COL22A1: variants seen among roughly 807,000 people sequenced by gnomAD.
The protein encoded by COL22A1 is collagen type XXII alpha 1 chain.
A neutral mutation model predicts 248.9 loss-of-function variants in COL22A1; 221 were observed. That is an observed-to-expected ratio of 0.89 (90% CI 0.80 to 0.99). COL22A1 has a LOEUF of 0.99. COL22A1 is among the 50% of genes least tolerant of loss of function. The pLI is 0.00. For synonymous variants in COL22A1, 891 were observed against 793.4 expected, an observed-to-expected ratio of 1.12 and a Z score of -2.07; for missense variants, 2,240 against 2,179.0, an observed-to-expected ratio of 1.03 and a Z score of -0.56.
chr8:138,693,773 C>A (rs752622400), intron 34 of COL22A1, 74 bp from the exon 35 acceptor site: 15 of 1,451,368 alleles, frequency 1.0e-5, no homozygotes, highest in Non-Finnish European at 1.4e-5. Flanking sequence ...GCAGGGAGGT[C>A]TCGGGAATAC....
intron 26 of COL22A1, among the ~76,000 whole-genome samples, chr8:138,721,611 T>C (rs914135458): frequency 2.6e-5 from 4 of 152,246 alleles, no homozygotes; most frequent in Non-Finnish European, 5.9e-5. Flanking sequence ...AATTTTTTTT[T>C]TGAGACAGGT....
At chr8:138,596,218 G>A (rs890057529) in intron 62 of COL22A1, among the ~76,000 whole-genome samples, 10 of 152,266 alleles carry the variant, frequency 6.6e-5, no homozygotes, top group African/African-American at 2.2e-4. Flanking sequence ...CATCTGCTAC[G>A]CACAGGCACA....
At chr8:138,904,635 C>G (rs1814878309) in intron 1 of COL22A1, among the ~76,000 whole-genome samples, 1 of 152,096 alleles carries the variant, frequency 6.6e-6, no homozygotes, top group Non-Finnish European at 1.5e-5. Context: ...CACCAGTCCC[C>G]CACTTAGTAC....
intron 40 of COL22A1, 61 bp downstream of exon 40, chr8:138,679,556 C>G: frequency 7.1e-7 from 1 of 1,409,004 alleles, no homozygotes; most frequent in Non-Finnish European, 1.0e-6. Flanking sequence ...TGTTATAAAG[C>G]TGCCTCTGCC....
intron 1 of COL22A1, among the ~76,000 whole-genome samples, chr8:138,895,591 C>T (rs184171927): frequency 2.0e-5 from 3 of 152,164 alleles, no homozygotes; most frequent in Admixed American, 6.5e-5. Context: ...ACTGAAACAA[C>T]AGACCAATAG....
intron 34 of COL22A1, 84 bp from the exon 35 acceptor site, chr8:138,693,783 C>T (rs1196085203): frequency 2.1e-6 from 3 of 1,400,960 alleles, no homozygotes; most frequent in African/African-American, 1.4e-5. Context: ...CTCGGGAATA[C>T]CGTGCTCATC....
chr8:138,590,398 G>A (rs1488298170), intron 64 of COL22A1, among the ~76,000 whole-genome samples: 2 of 152,104 alleles, frequency 1.3e-5, no homozygotes, highest in Non-Finnish European at 2.9e-5. Context: ...CCACTGAAAT[G>A]GGATAATTAT....
chr8:138,601,970 G>A (rs2131833653), intron 60 of COL22A1, 145 bp downstream of exon 60: 2 of 764,358 alleles, frequency 2.6e-6, no homozygotes, highest in Non-Finnish European at 2.2e-6. Flanking sequence ...GATCATCCAG[G>A]AAAAAGTGAA....
At chr8:138,714,819 C>T (rs1437248137) in intron 30 of COL22A1, among the ~76,000 whole-genome samples, 3 of 152,182 alleles carry the variant, frequency 2.0e-5, no homozygotes, top group African/African-American at 7.2e-5. Flanking sequence ...TGGACTCAGG[C>T]TGGCTCCAGG....
intron 4 of COL22A1, among the ~76,000 whole-genome samples, chr8:138,839,353 G>T (rs142924854): frequency 0.011 from 1,619 of 152,216 alleles, 17 homozygotes; most frequent in African/African-American, 0.032. Context: ...GGTCAGGCTG[G>T]GCTTTTGTCG....
At chr8:138,787,107 A>G (rs1408205792) in intron 12 of COL22A1, among the ~76,000 whole-genome samples, 2 of 152,320 alleles carry the variant, frequency 1.3e-5, no homozygotes, top group South Asian at 2.1e-4. Flanking sequence ...CTTCCATTGT[A>G]TCTCTTGATA....
At chr8:138,867,159 C>T (rs528809742) in intron 3 of COL22A1, among the ~76,000 whole-genome samples, 37 of 152,292 alleles carry the variant, frequency 2.4e-4, no homozygotes, top group Non-Finnish European at 4.6e-4. Flanking sequence ...ATCGACAATA[C>T]GTTAACAAGT....
chr8:138,771,017 AG>A (rs1186432377), intron 16 of COL22A1, among the ~76,000 whole-genome samples: 1 of 152,270 alleles, frequency 6.6e-6, no homozygotes, highest in Non-Finnish European at 1.5e-5. Context: ...TCTGCAGTGA[AG>A]AAACCTGGGA....
intron 1 of COL22A1, among the ~76,000 whole-genome samples, chr8:138,898,547 C>T (rs1230490668): frequency 1.3e-5 from 2 of 152,108 alleles, no homozygotes; most frequent in African/African-American, 2.4e-5. Flanking sequence ...GCTACTTCAC[C>T]TCTCATACCC....
chr8:138,601,375 C>A (rs1005948131), intron 60 of COL22A1, among the ~76,000 whole-genome samples: 3 of 152,124 alleles, frequency 2.0e-5, no homozygotes, highest in Admixed American at 2.0e-4. Flanking sequence ...CCCCACCCAC[C>A]CCACTTGCGA....
intron 47 of COL22A1, among the ~76,000 whole-genome samples, chr8:138,644,059 G>C (rs1821986158): frequency 6.6e-6 from 1 of 152,144 alleles, no homozygotes; most frequent in South Asian, 2.1e-4. Flanking sequence ...TGGGATTACA[G>C]GTGGTAGCCA....
intron 16 of COL22A1, among the ~76,000 whole-genome samples, chr8:138,773,988 C>T (rs186574420): frequency 1.3e-5 from 2 of 152,300 alleles, no homozygotes; most frequent in African/African-American, 4.8e-5. Context: ...CAGAGCTGCA[C>T]AGCAACTCAC....
intron 12 of COL22A1, among the ~76,000 whole-genome samples, chr8:138,784,473 C>T (rs1429831912): frequency 6.6e-6 from 1 of 152,162 alleles, no homozygotes; most frequent in Admixed American, 6.5e-5. Flanking sequence ...GCCACCTCCC[C>T]TCCCCTTGAG....
chr8:138,645,583 G>A (rs992776505), intron 47 of COL22A1, among the ~76,000 whole-genome samples: 129 of 152,182 alleles, frequency 8.5e-4, no homozygotes, highest in Non-Finnish European at 2.2e-4. Flanking sequence ...AGGCACTGAT[G>A]GGAGCATTTT....
Sources: allele counts gnomAD v4.1 joint callset (sites outside exome capture counted in the v4.1 genomes callset), GRCh38; gene constraint gnomAD v4.1.1; transcripts MANE v1.5; gene names NCBI Gene and HGNC (gene_info 2026-07-23, HGNC 2026-07-21).